ITGA8: variants seen among roughly 807,000 people sequenced by gnomAD.
The protein encoded by ITGA8 is integrin alpha-8.
A neutral mutation model predicts 142.3 loss-of-function variants in ITGA8; 91 were observed. The observed-to-expected ratio is 0.64, with a 90% CI of 0.54 to 0.76. The LOEUF is 0.76. Among genes scored for constraint, ITGA8 ranks in the 30% least tolerant of loss-of-function variants. The pLI is 0.00. For synonymous variants in ITGA8, 505 were observed against 485.2 expected (o/e 1.04, Z -0.54); for missense variants, 1,406 against 1,327.7 (o/e 1.06, Z -0.92).
At position 15,719,810 on chromosome 10, in the gene ITGA8, C is replaced by T. The variant is rs1432788616; in HGVS notation, c.-39G>A. 2.1e-5 allele frequency: 28 copies of T among 1,303,934 alleles called. No homozygotes were observed. In the Admixed American group the frequency reaches 2.9e-4, roughly 14 times the overall value. The allele number at this position is 1,303,934 out of a possible 1,614,324, so 80.8% of individuals were successfully genotyped here. A position where few individuals can be genotyped will look rare whatever the true frequency, so the allele number is the denominator to read the frequency against. On this transcript the variant is annotated 5_prime_UTR_variant, in exon 1 of 30. Transcript: ENST00000378076. ...GGTGGGTGGCTGCTACCCAGGAGCG[C>T]GAGCCGAGGACCCCTGCGGGGCAAG... is the stretch of plus-strand genomic sequence containing the variant.
chr10:15,649,899 C>T (rs1201209285), intron 11 of ITGA8, among the ~76,000 whole-genome samples: 1 of 152,140 alleles, frequency 6.6e-6, no homozygotes, highest in African/African-American at 2.4e-5. Flanking sequence ...TCTTACAATG[C>T]TAAACATAGG....
intron 24 of ITGA8, 25 bp downstream of exon 24, chr10:15,575,464 C>A: frequency 6.6e-7 from 1 of 1,515,334 alleles, no homozygotes; most frequent in Non-Finnish European, 9.2e-7. Context: ...ACCCCTAACA[C>A]AACTTTAACA....
chr10:15,643,243 T>C (rs1424537576), intron 13 of ITGA8, among the ~76,000 whole-genome samples: 1 of 152,212 alleles, frequency 6.6e-6, no homozygotes, highest in Non-Finnish European at 1.5e-5. Context: ...CTTTAAAATG[T>C]TCAGTCTATC....
rs1832837428 is a variant in ITGA8 at position 15,586,608 on chromosome 10, G to A, written c.2348C>T (p.Ala783Val). 1 of 1,611,788 alleles carries A rather than the reference G, an allele frequency of 6.2e-7. No homozygotes were observed. The highest frequency in any genetic ancestry group is 1.1e-5 in the South Asian group (1 of 90,984). The change falls in exon 23 of 30, where the codon GCT (alanine) becomes GTT (valine). Residue 783 changes from alanine (A) to valine (V), a missense_variant. Transcript: ENST00000378076. ...CCCTCTTATTTCCACCTGCGCTACAGCAGTGATGTTGATTTGCAGGCTCAC... is the reference window on the plus strand; with the variant it reads ...CCCTCTTATTTCCACCTGCGCTACAACAGTGATGTTGATTTGCAGGCTCAC... ...NFVSLQINIT[A>V]VAQVEIRGVS...
chr10:15,687,826 T>G (rs1365287038), intron 3 of ITGA8, 112 bp downstream of exon 3: 3 of 656,784 alleles, frequency 4.6e-6, no homozygotes, highest in Non-Finnish European at 8.3e-6. Context: ...GCCTTATCGT[T>G]GAAAGTCTAA....
chr10:15,579,534 A>G (rs1834363850), intron 23 of ITGA8, among the ~76,000 whole-genome samples: 1 of 152,262 alleles, frequency 6.6e-6, no homozygotes. Flanking sequence ...ATTTTTGGCT[A>G]GAAAAACTAA....
chr10:15,634,547 G>C (rs1029836120), intron 13 of ITGA8, among the ~76,000 whole-genome samples: 1 of 152,132 alleles, frequency 6.6e-6, no homozygotes, highest in African/African-American at 2.4e-5. Flanking sequence ...GTGAGAGCAG[G>C]ATCTTTGTTT....
At chr10:15,660,983 A>G (rs535829771) in intron 8 of ITGA8, 61 bp from the exon 9 acceptor site, 77 of 1,346,128 alleles carry the variant, frequency 5.7e-5, no homozygotes, top group Admixed American at 1.9e-4. Flanking sequence ...ACACACACAC[A>G]CGCCATATAC....
chr10:15,675,365 C>A (rs12774414), intron 6 of ITGA8, among the ~76,000 whole-genome samples: 2 of 152,246 alleles, frequency 1.3e-5, no homozygotes, highest in Admixed American at 6.5e-5. Flanking sequence ...CAGTAGCAGG[C>A]GTCAGAAACA....
At position 15,665,048 on chromosome 10, in the gene ITGA8, G is replaced by A. The variant is rs538879708; in HGVS notation, c.848-4126C>T. ...ATATACCCAGTAATGGGATTGCTGG[G>A]TCAAATGGTATTTCTAGTTCTAGAT... On this transcript the variant is annotated intron_variant, in intron 8 of 29. Coordinates refer to ENST00000378076, the MANE Select transcript of ITGA8 (RefSeq NM_003638.3). Among the ~76,000 whole-genome samples the A allele has an allele frequency of 3.9e-5, 6 of 152,258 alleles. No individual in the cohort carries two copies. The East Asian group carries it at 1.2e-3, about 29-fold the overall frequency.
chr10:15,577,931 G>C (rs1026073334), intron 23 of ITGA8, among the ~76,000 whole-genome samples: 1 of 152,140 alleles, frequency 6.6e-6, no homozygotes, highest in African/African-American at 2.4e-5. Context: ...AATTTTGGGA[G>C]AAGCAAGGAA....
intron 27 of ITGA8, among the ~76,000 whole-genome samples, chr10:15,545,011 G>A (rs1383660315): frequency 1.3e-5 from 2 of 152,180 alleles, no homozygotes; most frequent in Non-Finnish European, 2.9e-5. Context: ...CATCTCAGCT[G>A]TAACCTCAGG....
chr10:15,638,214 A>C (rs1247319248), intron 13 of ITGA8, among the ~76,000 whole-genome samples: 5 of 152,120 alleles, frequency 3.3e-5, no homozygotes, highest in African/African-American at 1.2e-4. Flanking sequence ...ACCACCTCTT[A>C]TATGTCTGTG....
chr10:15,561,211 ATATATATATATATATATATATATG>A (rs1224436096), intron 25 of ITGA8, among the ~76,000 whole-genome samples: 12 of 83,160 alleles, frequency 1.4e-4, no homozygotes, highest in African/African-American at 7.5e-4. Context: ...TCTGTTGGCT[ATATATATATATATATATATATATG>A]TATATATATA....
chr10:15,673,599 C>T (rs1304891084), intron 6 of ITGA8, among the ~76,000 whole-genome samples: 1 of 152,132 alleles, frequency 6.6e-6, no homozygotes, highest in Non-Finnish European at 1.5e-5. Flanking sequence ...AGCATAGATA[C>T]TGTATTCAAT....
At chr10:15,580,479 A>T (rs1834388514) in intron 23 of ITGA8, among the ~76,000 whole-genome samples, 1 of 152,184 alleles carries the variant, frequency 6.6e-6, no homozygotes, top group Non-Finnish European at 1.5e-5. Flanking sequence ...TATTGCGAGA[A>T]AGGAAAACTA....
intron 2 of ITGA8, among the ~76,000 whole-genome samples, chr10:15,705,576 C>A (rs546128927): frequency 6.6e-6 from 1 of 152,278 alleles, no homozygotes; most frequent in East Asian, 1.9e-4. Flanking sequence ...TTGATAATTC[C>A]TATTAGACTA....
intron 26 of ITGA8, among the ~76,000 whole-genome samples, chr10:15,551,425 C>T (rs1341742681): frequency 6.6e-6 from 1 of 151,936 alleles, no homozygotes; most frequent in African/African-American, 2.4e-5. Flanking sequence ...GTGATAGTTT[C>T]AAGAAGTGGC....
At chr10:15,608,899 C>G (rs1833245265) in intron 15 of ITGA8, among the ~76,000 whole-genome samples, 1 of 151,942 alleles carries the variant, frequency 6.6e-6, no homozygotes, top group Non-Finnish European at 1.5e-5. Context: ...TTGGCAGAAC[C>G]TTGCTACAGT....
Sources: gnomAD v4.1 joint callset for allele counts (sites outside exome capture counted in the v4.1 genomes callset) on GRCh38, gnomAD v4.1.1 for gene constraint, MANE v1.5 for transcripts, NCBI Gene and HGNC (gene_info 2026-07-23, HGNC 2026-07-21) for gene names.